Variants in RANBP2 observed in about 807,000 individuals in gnomAD.
RANBP2 encodes E3 SUMO-protein ligase RanBP2.
Under a neutral mutation model 303.6 loss-of-function variants are expected in RANBP2, and 57 were observed. The observed-to-expected ratio is 0.19, with a 90% CI of 0.15 to 0.23. RANBP2 has a LOEUF of 0.23. RANBP2 is among the 10% of genes least tolerant of loss of function. RANBP2 has a pLI of 1.00. For missense variants in RANBP2, 3,138 were observed against 3,780.8 expected (o/e 0.83, Z 4.46); for synonymous variants, 1,167 against 1,301.5 (o/e 0.90, Z 2.23).
chr2:109,689,315 G>A, the RANBP2 span, among the ~76,000 whole-genome samples: 1 of 152,164 alleles, frequency 6.6e-6, no homozygotes, highest in African/African-American at 2.4e-5. Context: ...ACAACAGCAT[G>A]CCTGGGCAGC....
chr2:109,462,565 T>C, the RANBP2 span, among the ~76,000 whole-genome samples: 6,284 of 152,254 alleles, frequency 0.041, 253 homozygotes, highest in African/African-American at 0.099. Context: ...AAGTCTTTGA[T>C]GGTGGCACTA....
the RANBP2 span, among the ~76,000 whole-genome samples, chr2:109,095,325 T>G: frequency 1.3e-5 from 2 of 152,344 alleles, no homozygotes; most frequent in East Asian, 3.9e-4. Flanking sequence ...TCGAGACTAC[T>G]GGAGAAACAG....
chr2:109,445,760 G>A, the RANBP2 span, among the ~76,000 whole-genome samples: 1 of 152,036 alleles, frequency 6.6e-6, no homozygotes, highest in Non-Finnish European at 1.5e-5. Context: ...TAGAGAGGGG[G>A]GTTGGCTTGG....
chr2:108,960,712 T>C, the RANBP2 span, among the ~76,000 whole-genome samples: 2 of 152,256 alleles, frequency 1.3e-5, no homozygotes, highest in South Asian at 2.1e-4. Context: ...TCCTACCATA[T>C]GGAAACATTA....
At chr2:108,762,863 ATTTAT>A (rs1339135196) in intron 19 of RANBP2, among the ~76,000 whole-genome samples, 2 of 152,134 alleles carry the variant, frequency 1.3e-5, no homozygotes, top group Non-Finnish European at 2.9e-5. Context: ...TGAAGAAGGT[ATTTAT>A]TTTATGACTT....
chr2:109,245,492 C>T, the RANBP2 span, among the ~76,000 whole-genome samples: 2 of 152,094 alleles, frequency 1.3e-5, no homozygotes, highest in Non-Finnish European at 2.9e-5. Flanking sequence ...GATTATTTTC[C>T]TTTCTAAGAG....
chr2:109,333,632 G>T, the RANBP2 span, among the ~76,000 whole-genome samples: 1 of 152,188 alleles, frequency 6.6e-6, no homozygotes, highest in Non-Finnish European at 1.5e-5. Context: ...CTGATGGCCT[G>T]CAAAGCCACC....
At chr2:109,486,391 C>A in the RANBP2 span, among the ~76,000 whole-genome samples, 1 of 152,164 alleles carries the variant, frequency 6.6e-6, no homozygotes, top group South Asian at 2.1e-4. Flanking sequence ...TCTCCCAAGG[C>A]AAGGCAGGTG....
chr2:109,318,499 A>G, the RANBP2 span, among the ~76,000 whole-genome samples: 1 of 152,212 alleles, frequency 6.6e-6, no homozygotes, highest in Admixed American at 6.5e-5. Flanking sequence ...ATCATAGCAC[A>G]ATCATTTTGG....
the RANBP2 span, among the ~76,000 whole-genome samples, chr2:109,050,839 C>T: frequency 6.6e-6 from 1 of 152,080 alleles, no homozygotes; most frequent in Non-Finnish European, 1.5e-5. Flanking sequence ...ATTGCATCCA[C>T]ACTACAAAAG....
the RANBP2 span, among the ~76,000 whole-genome samples, chr2:109,077,817 G>A: frequency 6.7e-6 from 1 of 149,698 alleles, no homozygotes; most frequent in Non-Finnish European, 1.5e-5. Flanking sequence ...ACAAGTGTTG[G>A]TGAGGATGTG....
At chr2:109,335,352 G>A in the RANBP2 span, among the ~76,000 whole-genome samples, 1 of 152,166 alleles carries the variant, frequency 6.6e-6, no homozygotes, top group East Asian at 1.9e-4. Context: ...TCTCAATGGC[G>A]TTTATTTCCT....
chr2:109,057,457 T>C, the RANBP2 span, among the ~76,000 whole-genome samples: 7 of 152,182 alleles, frequency 4.6e-5, no homozygotes. Context: ...TGTCATCTAA[T>C]AAATATGATG....
At chr2:109,636,999 C>T in the RANBP2 span, among the ~76,000 whole-genome samples, 1 of 152,184 alleles carries the variant, frequency 6.6e-6, no homozygotes, top group Non-Finnish European at 1.5e-5. Flanking sequence ...GCACCGGTCT[C>T]TGAGTTCCCT....
the RANBP2 span, chr2:108,816,180 G>A: frequency 2.8e-6 from 3 of 1,085,038 alleles, no homozygotes; most frequent in Non-Finnish European, 4.1e-6. Context: ...GCCAGGCACA[G>A]TGGCTCACGT....
chr2:109,309,299 G>A, the RANBP2 span, among the ~76,000 whole-genome samples: 1 of 150,026 alleles, frequency 6.7e-6, no homozygotes, highest in Non-Finnish European at 1.5e-5. Flanking sequence ...TGCTGAAGTT[G>A]CTTATCAGCT....
At chr2:109,652,343 C>T in the RANBP2 span, among the ~76,000 whole-genome samples, 5 of 152,234 alleles carry the variant, frequency 3.3e-5, no homozygotes, top group African/African-American at 1.2e-4. Context: ...CTGCCTCAGC[C>T]TCCTGAGAAG....
At chr2:109,120,747 C>T in the RANBP2 span, among the ~76,000 whole-genome samples, 11 of 150,332 alleles carry the variant, frequency 7.3e-5, no homozygotes, top group South Asian at 8.4e-4. Flanking sequence ...CACCGCTCAG[C>T]TTTGTATACC....
chr2:109,311,881 G>A, the RANBP2 span, among the ~76,000 whole-genome samples: 5 of 152,100 alleles, frequency 3.3e-5, no homozygotes, highest in East Asian at 5.8e-4. Flanking sequence ...TTGTTTTCTC[G>A]TTTTCTTACA....
Sources: gnomAD v4.1 joint callset for allele counts (sites outside exome capture counted in the v4.1 genomes callset) on GRCh38, gnomAD v4.1.1 for gene constraint, MANE v1.5 for transcripts, NCBI Gene and HGNC (gene_info 2026-07-23, HGNC 2026-07-21) for gene names.